The following CPAMD8 variants were observed in gnomAD, a reference collection of about 807,000 sequenced individuals.
CPAMD8 encodes C3 and PZP like alpha-2-macroglobulin domain containing 8.
Under a neutral mutation model 224.7 loss-of-function variants are expected in CPAMD8, and 146 were observed. The observed-to-expected ratio is 0.65, with a 90% CI of 0.57 to 0.75. CPAMD8 has a LOEUF of 0.75. Ranked by LOEUF, CPAMD8 falls within the 30% of genes least tolerant of loss-of-function variation. The pLI, the probability that CPAMD8 is intolerant of heterozygous loss-of-function variation, is 0.00. For synonymous variants in CPAMD8, 966 were observed against 1,044.6 expected (o/e 0.92, Z 1.45); for missense variants, 2,301 against 2,537.5 (o/e 0.91, Z 2.00).
At chr19:16,999,660 T>C (rs2056248732) in intron 10 of CPAMD8, among the ~76,000 whole-genome samples, 1 of 152,202 alleles carries the variant, frequency 6.6e-6, no homozygotes, top group African/African-American at 2.4e-5. Flanking sequence ...ATGTGAATGA[T>C]ATCTCAATAA....
At chr19:16,995,368 G>C (rs2056090422) in intron 11 of CPAMD8, among the ~76,000 whole-genome samples, 1 of 152,174 alleles carries the variant, frequency 6.6e-6, no homozygotes. Flanking sequence ...CTGCAATTGG[G>C]GTGAAGATGC....
At chr19:16,894,385 T>C (rs569454141) in intron 41 of CPAMD8, 4 of 456,564 alleles carry the variant, frequency 8.8e-6, no homozygotes, top group African/African-American at 6.0e-5. Flanking sequence ...TGCAGCCAGA[T>C]GGTGTCGTCC....
chr19:16,989,412 G>A (rs767046525), intron 13 of CPAMD8, among the ~76,000 whole-genome samples: 8 of 152,018 alleles, frequency 5.3e-5, no homozygotes, highest in South Asian at 2.1e-4. Flanking sequence ...TCAGCCTCCC[G>A]AGTAGCTGGG....
intron 20 of CPAMD8, 133 bp from the exon 21 acceptor site, chr19:16,947,360 G>C: frequency 8.8e-7 from 1 of 1,138,628 alleles, no homozygotes; most frequent in Admixed American, 2.4e-5. Context: ...TGCTCCCCCC[G>C]GGAAGGTCCC....
At chr19:16,926,173 C>A (rs555322066) in intron 25 of CPAMD8, among the ~76,000 whole-genome samples, 41 of 151,912 alleles carry the variant, frequency 2.7e-4, no homozygotes, top group Non-Finnish European at 4.3e-4. Flanking sequence ...AGTTTTCTCT[C>A]TTTAAAAAAA....
At chr19:16,933,568 A>C (rs1003518823) in intron 23 of CPAMD8, among the ~76,000 whole-genome samples, 1 of 152,228 alleles carries the variant, frequency 6.6e-6, no homozygotes, top group Non-Finnish European at 1.5e-5. Flanking sequence ...TACTCATAGC[A>C]AACAGGCAAA....
At chr19:16,895,927 A>ACACG (rs146763898) in intron 41 of CPAMD8, 242 of 581,588 alleles carry the variant, frequency 4.2e-4, no homozygotes, top group African/African-American at 3.9e-3. Flanking sequence ...ACACACACAC[A>ACACG]CGCGCGCGTG....
At chr19:16,925,590 C>T (rs2053331104) in intron 25 of CPAMD8, among the ~76,000 whole-genome samples, 1 of 152,122 alleles carries the variant, frequency 6.6e-6, no homozygotes, top group Non-Finnish European at 1.5e-5. Context: ...TTAACTCAGG[C>T]TTTCTTTCTC....
intron 2 of CPAMD8, among the ~76,000 whole-genome samples, chr19:17,021,215 G>A (rs1034887061): frequency 6.6e-6 from 1 of 152,208 alleles, no homozygotes; most frequent in Non-Finnish European, 1.5e-5. Flanking sequence ...GGAGAAGCTG[G>A]CCAGCAATAC....
intron 11 of CPAMD8, among the ~76,000 whole-genome samples, chr19:16,996,874 T>C (rs1023752054): frequency 5.8e-4 from 87 of 150,640 alleles, no homozygotes. Flanking sequence ...CTTAGAGCAG[T>C]TGCTTTAATA....
chr19:16,922,514 C>CCTGAAA (rs2053215394), intron 26 of CPAMD8, among the ~76,000 whole-genome samples: 1 of 148,774 alleles, frequency 6.7e-6, no homozygotes, highest in South Asian at 2.2e-4. Context: ...ATCTGGGGTC[C>CCTGAAA]CTGAAACTGC....
intron 3 of CPAMD8, among the ~76,000 whole-genome samples, chr19:17,012,356 T>C (rs1446827199): frequency 6.7e-6 from 1 of 149,544 alleles, no homozygotes; most frequent in Non-Finnish European, 1.5e-5. Context: ...CTTTCTTTTT[T>C]TTTTTTTTTC....
chr19:16,906,382 CTTTCTTTCTTTCTTTCTTTCTTTCT>C, intron 30 of CPAMD8, among the ~76,000 whole-genome samples: 2 of 70,666 alleles, frequency 2.8e-5, no homozygotes, highest in Admixed American at 1.9e-4. Context: ...TTCTTTCTTT[CTTTCTTTCTTTCTTTCTTTCTTTCT>C]TTCCTTCCTT....
intron 27 of CPAMD8, among the ~76,000 whole-genome samples, chr19:16,919,396 A>C (rs2053084388): frequency 6.6e-6 from 1 of 151,938 alleles, no homozygotes. Context: ...GTGGTGAGCA[A>C]CTGAGGCCTC....
At chr19:17,018,933 A>G (rs554987850) in intron 3 of CPAMD8, among the ~76,000 whole-genome samples, 2 of 146,724 alleles carry the variant, frequency 1.4e-5, no homozygotes, top group Non-Finnish European at 3.0e-5. Context: ...AAAAAAAACC[A>G]CTGAAACAAT....
intron 34 of CPAMD8, among the ~76,000 whole-genome samples, chr19:16,903,171 A>G (rs1226188815): frequency 1.3e-5 from 2 of 151,952 alleles, no homozygotes; most frequent in Non-Finnish European, 2.9e-5. Context: ...CAGAAAACGG[A>G]GGCTAGCGAG....
intron 5 of CPAMD8, 117 bp downstream of exon 5, chr19:17,011,347 T>G: frequency 3.4e-6 from 4 of 1,175,452 alleles, no homozygotes; most frequent in Non-Finnish European, 5.0e-6. Context: ...GAAACAACCA[T>G]GAAAGAAAAT....
At chr19:16,998,330 C>T (rs1228246046) in intron 10 of CPAMD8, among the ~76,000 whole-genome samples, 1 of 152,084 alleles carries the variant, frequency 6.6e-6, no homozygotes. Context: ...CACGGTGGCA[C>T]ATGCCTGTAA....
At position 16,989,669 on chromosome 19, in the gene CPAMD8, G is replaced by A. The variant is rs753629803; in HGVS notation, c.1369C>T (p.Leu457=). 1 of 1,614,080 alleles carries A rather than the reference G, an allele frequency of 6.2e-7. No homozygotes were observed. Among genetic ancestry groups the A allele is most frequent in the Non-Finnish European group, 8.5e-7 (1 of 1,179,962 alleles). ...WYSPSQCYLQ[L]QPPSHPLQVG... is the part of the protein sequence containing the mutation. ...TGCAGTGGGTGGGAGGGTGGCTGCA[G>A]CTGCAGGTAGCACTGGCTGGGGGAG... The change falls in exon 13 of 42, where the codon CTG becomes TTG. Residue 457 remains leucine, a synonymous_variant. Coordinates refer to ENST00000443236, the MANE Select transcript of CPAMD8 (RefSeq NM_015692.5).
Sources: allele counts gnomAD v4.1 joint callset (sites outside exome capture counted in the v4.1 genomes callset), GRCh38; gene constraint gnomAD v4.1.1; transcripts MANE v1.5; gene names NCBI Gene and HGNC (gene_info 2026-07-23, HGNC 2026-07-21).